The following IL4R variants were observed in gnomAD, a reference collection of about 807,000 sequenced individuals.
IL4R encodes the protein interleukin 4 receptor.
In IL4R, 17 loss-of-function variants were observed where a neutral mutation model predicts 41.5. That is an observed-to-expected ratio of 0.41 (90% confidence interval 0.28 to 0.61). The LOEUF (loss-of-function observed/expected upper bound fraction) is 0.61. Among genes scored for constraint, IL4R ranks in the 20% least tolerant of loss-of-function variants. IL4R has a pLI of 0.31. For synonymous variants in IL4R, 402 were observed against 422.9 expected (o/e 0.95, Z 0.61); for missense variants, 974 against 1,043.1 (o/e 0.93, Z 0.91).
chr16:27,316,491 C>A (rs1313336108), intron 1 of IL4R, among the ~76,000 whole-genome samples: 1 of 152,226 alleles, frequency 6.6e-6, no homozygotes, highest in African/African-American at 2.4e-5. Context: ...TTAGATGCCC[C>A]ACCTCTCGAC....
intron 10 of IL4R, 104 bp downstream of exon 10, chr16:27,360,919 G>A: frequency 6.2e-7 from 1 of 1,606,414 alleles, no homozygotes; most frequent in Non-Finnish European, 8.5e-7. Context: ...CCTGCATTCG[G>A]TAATTGCCCT....
intron 1 of IL4R, among the ~76,000 whole-genome samples, chr16:27,318,164 G>A (rs1168006881): frequency 6.6e-6 from 1 of 152,114 alleles, no homozygotes; most frequent in Non-Finnish European, 1.5e-5. Context: ...CATCCTCTTC[G>A]GTGTGATGCT....
intron 1 of IL4R, among the ~76,000 whole-genome samples, chr16:27,328,492 G>T (rs2085025516): frequency 6.6e-6 from 1 of 152,056 alleles, no homozygotes; most frequent in Non-Finnish European, 1.5e-5. Context: ...ACCTGCCTCG[G>T]CCTCCCAAAG....
chr16:27,326,219 C>A (rs974610468), intron 1 of IL4R, among the ~76,000 whole-genome samples: 1 of 152,094 alleles, frequency 6.6e-6, no homozygotes, highest in South Asian at 2.1e-4. Context: ...TTGCTCAAAA[C>A]GCTCTGGCAA....
At chr16:27,338,719 C>T (rs185265383) in intron 2 of IL4R, among the ~76,000 whole-genome samples, 1 of 152,040 alleles carries the variant, frequency 6.6e-6, no homozygotes, top group Non-Finnish European at 1.5e-5. Flanking sequence ...AGTGTGTTTG[C>T]CCCTTCTGTC....
chr16:27,363,369 A>G lies in IL4R; in HGVS notation c.2017A>G (p.Ser673Gly). ...RSPQSSHLPSSSPEHLGLEPG... is the reference protein window; with the variant it reads ...RSPQSSHLPSGSPEHLGLEPG... ...TCCGCAGAGCTCACATCTCCCAAGC[A>G]GCTCCCCAGAGCACCTGGGTCTGGA... Residue 673 changes from serine (S) to glycine (G), a missense_variant, in exon 11 of 11, where the codon AGC becomes GGC. Transcript: ENST00000395762. 3 of 1,614,112 alleles carry G rather than the reference A, an allele frequency of 1.9e-6. No individual in the cohort carries two copies. The highest frequency in any genetic ancestry group is 2.5e-6 in the Non-Finnish European group (3 of 1,179,994).
In IL4R at chr16:27,361,610, C is replaced by CTTT. The variant is rs34798776; in HGVS notation, c.900-622_900-620dup. On this transcript the variant is annotated intron_variant, in intron 10 of 10. Transcript: ENST00000395762. ...CTGCTTCAACCCTAGGATCCCGCAT[C>CTTT]TTTTTTTTTTTTTTTTTTTTTTGGA... Among the ~76,000 whole-genome samples, 6 of 111,766 alleles carry CTTT rather than the reference C, an allele frequency of 5.4e-5. 1 individual carries two copies. Among genetic ancestry groups the CTTT allele is most frequent in the Non-Finnish European group, 7.1e-5 (4 of 56,038 alleles). 73.3% of individuals were successfully genotyped at this position (111,766 alleles called of 152,430 possible).
chr16:27,342,196 A>G lies in IL4R; in HGVS notation c.146A>G (p.Asn49Ser), dbSNP rs747063458. 6.8e-6 allele frequency: 11 copies of G among 1,614,048 alleles called. No homozygotes were observed. Among genetic ancestry groups the G allele is most frequent in the South Asian group, 1.1e-5 (1 of 91,088 alleles). Residue 49 changes from asparagine (N) to serine (S), a missense_variant, in exon 4 of 11, where the codon AAT (asparagine) becomes AGT (serine). Physicochemically the swap from Asn to Ser is conservative, Grantham distance 46. Around this residue, in one of 3 missense-constraint regions of IL4R, gnomAD observed 284 missense variants for 313.4 expected, o/e 0.91. Coordinates refer to ENST00000395762, the MANE Select transcript of IL4R (RefSeq NM_000418.4). ...ATCTCTACTTGCGAGTGGAAGATGA[A>G]TGGTCCCACCAATTGCAGCACCGAG... ...MSISTCEWKM[N>S]GPTNCSTELR... is the part of the protein sequence containing the mutation.
At chr16:27,336,456 C>T (rs1393099595) in intron 2 of IL4R, among the ~76,000 whole-genome samples, 3 of 151,358 alleles carry the variant, frequency 2.0e-5, no homozygotes, top group African/African-American at 4.9e-5. Context: ...GTGGGCAGAT[C>T]GCTTGAACTC....
At chr16:27,358,405 G>A (rs987447519) in intron 8 of IL4R, among the ~76,000 whole-genome samples, 17 of 152,242 alleles carry the variant, frequency 1.1e-4, no homozygotes, top group African/African-American at 4.1e-4. Flanking sequence ...TTACCTCCCA[G>A]TGATGATGCA....
At chr16:27,351,894 T>G (rs539308242) in intron 6 of IL4R, among the ~76,000 whole-genome samples, 152 of 152,306 alleles carry the variant, frequency 1.0e-3, no homozygotes, top group Non-Finnish European at 6.6e-4. Context: ...GCATCTTCCC[T>G]TGTTTACTTA....
chr16:27,353,466 T>G (rs1280810874), intron 7 of IL4R, among the ~76,000 whole-genome samples: 3 of 152,174 alleles, frequency 2.0e-5, no homozygotes, highest in Non-Finnish European at 4.4e-5. Context: ...CTATAAATAA[T>G]AAGTTCTAGG....
chr16:27,328,499 A>G (rs865911340), intron 1 of IL4R, among the ~76,000 whole-genome samples: 2 of 152,258 alleles, frequency 1.3e-5, no homozygotes, highest in Middle Eastern at 3.4e-3. Flanking sequence ...TCGGCCTCCC[A>G]AAGTGCTGGG....
intron 8 of IL4R, 109 bp downstream of exon 8, chr16:27,356,016 T>A: frequency 1.5e-6 from 1 of 687,068 alleles, no homozygotes; most frequent in South Asian, 1.6e-5. Context: ...TAATACGCAT[T>A]TACTGAGCAG....
chr16:27,344,166 G>A (rs924428960), intron 4 of IL4R, among the ~76,000 whole-genome samples: 1 of 151,958 alleles, frequency 6.6e-6, no homozygotes, highest in African/African-American at 2.4e-5. Context: ...TTAACTGGGT[G>A]TAGTGGCGCA....
Position 27,355,740 on chromosome 16 carries a change from T to A in IL4R, c.671-68T>A, listed in dbSNP as rs578146386. ...GAGGGTCCTGACCCTGGGTCTCCAG[T>A]CCTGGGAAGTGGAGCCCAGGCTGTA... On this transcript the variant is annotated intron_variant, in intron 7 of 10. Coordinates refer to ENST00000395762, the MANE Select transcript of IL4R (RefSeq NM_000418.4). The A allele has an allele frequency of 1.6e-5, 18 of 1,137,878 alleles. No homozygotes were observed. The East Asian group carries it at 3.5e-4, about 22-fold the overall frequency. 70.5% of individuals were successfully genotyped at this position (1,137,878 alleles called of 1,614,324 possible).
chr16:27,342,422 A>C (rs1219553659), intron 4 of IL4R, among the ~76,000 whole-genome samples, 163 bp downstream of exon 4: 2 of 152,038 alleles, frequency 1.3e-5, no homozygotes, highest in African/African-American at 4.8e-5. Flanking sequence ...GGGACATGTT[A>C]TGTAAGATAC....
In IL4R at chr16:27,364,012, G is replaced by A. The variant is rs892408887; in HGVS notation, c.*182G>A. 13 of 682,032 alleles carry A rather than the reference G, an allele frequency of 1.9e-5. No individual in the cohort carries two copies. The highest frequency in any genetic ancestry group is 4.1e-4 in the Middle Eastern group (1 of 2,448). The allele number at this position is 682,032 out of a possible 1,614,324, so 42.2% of individuals were successfully genotyped here. The stretch of plus-strand genomic sequence containing the variant: ...CACTGGGCTGCAGAGACTGGACCCC[G>A]CCCAGCATTGGGCTGGGCTCGCCAC... On this transcript the variant is annotated 3_prime_UTR_variant, in exon 11 of 11. Transcript: ENST00000395762.
intron 1 of IL4R, among the ~76,000 whole-genome samples, chr16:27,317,498 AGGAGCTTGTCT>A (rs2084681799): frequency 6.6e-6 from 1 of 152,234 alleles, no homozygotes; most frequent in Non-Finnish European, 1.5e-5. Context: ...AAGAGAGGCC[AGGAGCTTGTCT>A]GGAGGTTGCA....
Sources: gnomAD v4.1 joint callset for allele counts (sites outside exome capture counted in the v4.1 genomes callset) on GRCh38, gnomAD v4.1.1 for gene constraint, gnomAD v4.1.1 regional missense constraint, MANE v1.5 for transcripts, NCBI Gene and HGNC (gene_info 2026-07-23, HGNC 2026-07-21) for gene names.